Variants in UBAC2 observed in about 807,000 individuals in gnomAD.
The protein encoded by UBAC2 is ubiquitin-associated domain-containing protein 2.
A neutral mutation model predicts 44.0 loss-of-function variants in UBAC2; 26 were observed. That is an observed-to-expected ratio of 0.59 (90% CI 0.43 to 0.82). UBAC2 has a LOEUF of 0.82. UBAC2 is among the 40% of genes least tolerant of loss of function. UBAC2 has a pLI of 0.00. For synonymous variants in UBAC2, 155 were observed against 154.3 expected, an observed-to-expected ratio of 1.00 and a Z score of -0.04; for missense variants, 329 against 419.4, an observed-to-expected ratio of 0.78 and a Z score of 1.88.
chr13:99,360,039 A>C (rs2045243868), intron 7 of UBAC2, among the ~76,000 whole-genome samples: 1 of 152,222 alleles, frequency 6.6e-6, no homozygotes, highest in South Asian at 2.1e-4. Flanking sequence ...ATGCTTTTGG[A>C]AGTCATTTTG....
At chr13:99,265,604 G>A (rs897090629) in intron 4 of UBAC2, among the ~76,000 whole-genome samples, 4 of 152,072 alleles carry the variant, frequency 2.6e-5, no homozygotes, top group Middle Eastern at 3.2e-3. Context: ...TCTTGTTCTC[G>A]TTTTGTGTGT....
rs145898012 is a variant in UBAC2, at chr13:99,367,065, T to C, written c.808-722T>C. Among the ~76,000 whole-genome samples the C allele has an allele frequency of 2.6e-5, 4 of 152,284 alleles. No individual in the cohort carries two copies. In the East Asian group the frequency reaches 5.8e-4, roughly 22 times the overall value. On this transcript the variant is annotated intron_variant, in intron 7 of 8. Coordinates refer to ENST00000403766, the MANE Select transcript of UBAC2 (RefSeq NM_001144072.2). ...ACATGGATTTTTTTAAAGCAGCATG[T>C]GATGCATTTTTCTTCCCATGGTGGC... is the stretch of plus-strand genomic sequence containing the variant.
chr13:99,229,098 G>T (rs1324649369), intron 1 of UBAC2, among the ~76,000 whole-genome samples: 5 of 152,200 alleles, frequency 3.3e-5, no homozygotes, highest in Non-Finnish European at 7.3e-5. Flanking sequence ...AGGCTTTATG[G>T]TGGATGTAGC....
intron 1 of UBAC2, among the ~76,000 whole-genome samples, chr13:99,228,440 C>G (rs912488075): frequency 1.8e-4 from 27 of 147,424 alleles, no homozygotes; most frequent in South Asian, 1.3e-3. Context: ...GGCTCCCCCG[C>G]ACCCCACCAC....
intron 4 of UBAC2, among the ~76,000 whole-genome samples, chr13:99,271,463 A>C (rs1412990613): frequency 6.6e-6 from 1 of 152,114 alleles, no homozygotes; most frequent in Non-Finnish European, 1.5e-5. Flanking sequence ...GCAGGAGATG[A>C]GGCCAGGGAG....
At chr13:99,343,731 T>C (rs1269453189) in intron 7 of UBAC2, among the ~76,000 whole-genome samples, 1 of 152,258 alleles carries the variant, frequency 6.6e-6, no homozygotes, top group East Asian at 1.9e-4. Context: ...CTTAGCCTCC[T>C]GCTGAACTTC....
At chr13:99,289,013 CCATA>C (rs2044056248) in intron 4 of UBAC2, among the ~76,000 whole-genome samples, 1 of 152,148 alleles carries the variant, frequency 6.6e-6, no homozygotes, top group Admixed American at 6.5e-5. Flanking sequence ...AAATAATAGA[CCATA>C]GACCGTACGA....
chr13:99,209,140 C>G (rs558758920), intron 1 of UBAC2, among the ~76,000 whole-genome samples: 82 of 152,316 alleles, frequency 5.4e-4, no homozygotes, highest in African/African-American at 1.7e-3. Flanking sequence ...CTAGATTTCC[C>G]AGGTTGGAGA....
At chr13:99,373,146 T>G (rs2045430700) in intron 8 of UBAC2, among the ~76,000 whole-genome samples, 1 of 145,260 alleles carries the variant, frequency 6.9e-6, no homozygotes, top group Non-Finnish European at 1.5e-5. Flanking sequence ...AGTATATCCA[T>G]TATTCCATCT....
intron 8 of UBAC2, among the ~76,000 whole-genome samples, chr13:99,369,287 A>G (rs61974214): frequency 0.031 from 4,670 of 152,310 alleles, 98 homozygotes; most frequent in Middle Eastern, 0.13. Context: ...CAATTTTTCA[A>G]TTTTACAGTG....
At chr13:99,372,232 G>C (rs1214631721) in intron 8 of UBAC2, 1 of 152,306 alleles carries the variant, frequency 6.6e-6, no homozygotes, top group Non-Finnish European at 1.5e-5. Flanking sequence ...TCCCTGTGCA[G>C]ACGTGCGGGG....
At chr13:99,323,976 A>T (rs1329654303) in intron 6 of UBAC2, among the ~76,000 whole-genome samples, 2 of 152,222 alleles carry the variant, frequency 1.3e-5, no homozygotes, top group African/African-American at 4.8e-5. Context: ...ATTGCAACTT[A>T]TGTTCTACCT....
At chr13:99,213,468 C>G (rs1041699329) in intron 1 of UBAC2, among the ~76,000 whole-genome samples, 1 of 152,050 alleles carries the variant, frequency 6.6e-6, no homozygotes. Flanking sequence ...TCAAGTGATT[C>G]TCCTGCCTCA....
chr13:99,362,757 A>G (rs1003430545), intron 7 of UBAC2, among the ~76,000 whole-genome samples: 4 of 152,086 alleles, frequency 2.6e-5, no homozygotes, highest in Non-Finnish European at 5.9e-5. Flanking sequence ...TCATTGATTT[A>G]TTAAGTCTCA....
intron 6 of UBAC2, among the ~76,000 whole-genome samples, chr13:99,325,609 G>C (rs1292065204): frequency 6.6e-6 from 1 of 152,132 alleles, no homozygotes; most frequent in Non-Finnish European, 1.5e-5. Flanking sequence ...GTTGACTATA[G>C]GTATGGGGTT....
chr13:99,302,725 TG>T (rs936365830), intron 4 of UBAC2, among the ~76,000 whole-genome samples: 4 of 152,222 alleles, frequency 2.6e-5, no homozygotes, highest in Non-Finnish European at 5.9e-5. Context: ...TGCACTGCTG[TG>T]GAGCTGTGAC....
chr13:99,354,479 G>A (rs1014679935), intron 7 of UBAC2, among the ~76,000 whole-genome samples: 15 of 152,176 alleles, frequency 9.9e-5, no homozygotes, highest in Non-Finnish European at 2.9e-5. Flanking sequence ...TTCACTTGGC[G>A]GCTTGGCTGA....
intron 4 of UBAC2, among the ~76,000 whole-genome samples, chr13:99,285,534 A>T (rs1170920528): frequency 6.6e-6 from 1 of 152,084 alleles, no homozygotes; most frequent in Non-Finnish European, 1.5e-5. Flanking sequence ...CTAGGACTAC[A>T]GGCATGTGCC....
chr13:99,204,281 A>G (rs756408986), intron 1 of UBAC2, among the ~76,000 whole-genome samples: 1 of 152,174 alleles, frequency 6.6e-6, no homozygotes, highest in Non-Finnish European at 1.5e-5. Flanking sequence ...GGGGAGGCAC[A>G]GTTAAGGAAG....
Sources: gnomAD v4.1 joint callset for allele counts (sites outside exome capture counted in the v4.1 genomes callset) on GRCh38, gnomAD v4.1.1 for gene constraint, MANE v1.5 for transcripts, NCBI Gene and HGNC (gene_info 2026-07-23, HGNC 2026-07-21) for gene names.